The following DGKB variants were observed in gnomAD, a reference collection of about 807,000 sequenced individuals.
DGKB encodes diacylglycerol kinase beta.
A neutral mutation model predicts 114.3 loss-of-function variants in DGKB; 67 were observed. The ratio of observed to expected loss-of-function variants is 0.59; its 90% CI spans 0.48 to 0.72. DGKB has a LOEUF of 0.72. Ranked by LOEUF, DGKB falls within the 30% of genes least tolerant of loss-of-function variation. DGKB has a pLI of 0.00. For missense variants in DGKB, 907 were observed against 975.2 expected (o/e 0.93, Z 0.93); for synonymous variants, 398 against 323.1 (o/e 1.23, Z -2.49).
intron 23 of DGKB, among the ~76,000 whole-genome samples, chr7:14,283,905 A>G (rs1314191157): frequency 1.3e-5 from 2 of 152,166 alleles, no homozygotes; most frequent in Admixed American, 6.5e-5. Flanking sequence ...TAAAACCATA[A>G]AAACCATAGA....
intron 10 of DGKB, among the ~76,000 whole-genome samples, chr7:14,684,693 C>A (rs1466462615): frequency 2.6e-5 from 4 of 152,102 alleles, no homozygotes; most frequent in African/African-American, 9.7e-5. Flanking sequence ...CTCTGCATTC[C>A]AATGTCTATT....
At chr7:14,891,982 G>T (rs1018903652) in intron 1 of DGKB, among the ~76,000 whole-genome samples, 3 of 151,360 alleles carry the variant, frequency 2.0e-5, no homozygotes, top group Non-Finnish European at 3.0e-5. Context: ...TTGAGAAAGG[G>T]TAAGGATTTT....
intron 1 of DGKB, among the ~76,000 whole-genome samples, chr7:14,900,150 C>T (rs1782783313): frequency 6.6e-6 from 1 of 152,062 alleles, no homozygotes; most frequent in South Asian, 2.1e-4. Flanking sequence ...GAAAATAATC[C>T]AGGGCTATCA....
At chr7:14,886,182 C>T (rs1388682069) in intron 1 of DGKB, among the ~76,000 whole-genome samples, 1 of 151,650 alleles carries the variant, frequency 6.6e-6, no homozygotes, top group East Asian at 1.9e-4. Context: ...TGAGAGGCAA[C>T]AGAGACAGAA....
chr7:14,737,098 A>T (rs1048999038), intron 4 of DGKB, among the ~76,000 whole-genome samples: 1 of 152,128 alleles, frequency 6.6e-6, no homozygotes, highest in Non-Finnish European at 1.5e-5. Context: ...ATGGTGCATG[A>T]GTATTTTCTG....
chr7:14,604,195 T>A (rs1804058071), intron 17 of DGKB, among the ~76,000 whole-genome samples: 2 of 151,984 alleles, frequency 1.3e-5, no homozygotes, highest in Admixed American at 1.3e-4. Flanking sequence ...ATAATCAGGA[T>A]CAGGGAGAGA....
At chr7:14,597,861 A>G (rs894120964) in intron 17 of DGKB, among the ~76,000 whole-genome samples, 3 of 152,142 alleles carry the variant, frequency 2.0e-5, no homozygotes, top group Admixed American at 1.3e-4. Context: ...TACAAGCAAT[A>G]TAATTATGGC....
At chr7:14,346,940 T>C (rs1474753190) in intron 21 of DGKB, among the ~76,000 whole-genome samples, 2 of 152,076 alleles carry the variant, frequency 1.3e-5, no homozygotes, top group Non-Finnish European at 2.9e-5. Context: ...AACTTTCTAA[T>C]AACATTTTTG....
Position 14,215,635 on chromosome 7 carries a change from A to G in DGKB, c.2123-37484T>C, listed in dbSNP as rs1788826943. Among the ~76,000 whole-genome samples the G allele has an allele frequency of 4.6e-5, 7 of 152,142 alleles. No homozygotes were observed. In the South Asian group the frequency reaches 1.2e-3, roughly 27 times the overall value. ...TACTGGTATTACCTTCATTTTGCCG[A>G]TGAGGAAACCGAGACACAGAGTTAA... On this transcript the variant is annotated intron_variant, in intron 23 of 25. Coordinates refer to ENST00000402815, the MANE Select transcript of DGKB (RefSeq NM_001350709.2).
intron 21 of DGKB, among the ~76,000 whole-genome samples, chr7:14,474,893 T>C (rs1563268754): frequency 6.6e-6 from 1 of 152,014 alleles, no homozygotes; most frequent in African/African-American, 2.4e-5. Context: ...TGGAAGAATA[T>C]CTTAAAGTTT....
chr7:14,725,799 C>T (rs1270184435), intron 5 of DGKB, among the ~76,000 whole-genome samples: 5 of 152,134 alleles, frequency 3.3e-5, no homozygotes, highest in Admixed American at 1.3e-4. Context: ...CTCTGTACCT[C>T]AGCCTCCCAA....
At chr7:14,845,029 C>T (rs1350752682) in intron 1 of DGKB, among the ~76,000 whole-genome samples, 1 of 142,962 alleles carries the variant, frequency 7.0e-6, no homozygotes, top group Non-Finnish European at 1.5e-5. Context: ...ATTGCATGGG[C>T]CCAGGAGGTA....
chr7:14,811,127 G>T (rs1287056888), intron 2 of DGKB, among the ~76,000 whole-genome samples: 1 of 152,118 alleles, frequency 6.6e-6, no homozygotes, highest in African/African-American at 2.4e-5. Flanking sequence ...CTAAAAAGTG[G>T]CATTCTGGAA....
At position 14,769,228 on chromosome 7, in the gene DGKB, G is replaced by GAGAAAGAAAGAAAGAAAGAAAGAA. The variant is rs371117893; in HGVS notation, c.71-11521_71-11498dup. 4.7e-4 allele frequency among the ~76,000 whole-genome samples: 56 copies of GAGAAAGAAAGAAAGAAAGAAAGAA among 119,684 alleles called. 2 individuals carry two copies. The highest frequency in any genetic ancestry group is 5.9e-4 in the South Asian group (2 of 3,398). The allele number at this position is 119,684 out of a possible 152,430, so 78.5% of individuals were successfully genotyped here. On this transcript the variant is annotated intron_variant, in intron 2 of 25. Transcript: ENST00000402815. The stretch of plus-strand genomic sequence containing the variant: ...GAAAGGAAAGAAAGAGAAAGAGAGA[G>GAGAAAGAAAGAAAGAAAGAAAGAA]AGAAAGAAAGAAAGAAAGAAAGAAA...
intron 13 of DGKB, among the ~76,000 whole-genome samples, chr7:14,641,808 C>T (rs967285901): frequency 4.6e-5 from 7 of 151,886 alleles, no homozygotes; most frequent in Non-Finnish European, 1.0e-4. Flanking sequence ...TTTTTTATTA[C>T]TCTTCGTTTT....
intron 23 of DGKB, among the ~76,000 whole-genome samples, chr7:14,316,349 GT>G (rs2128519884): frequency 7.4e-6 from 1 of 135,444 alleles, no homozygotes; most frequent in African/African-American, 2.9e-5. Context: ...CCAGGAGCTG[GT>G]TTTTTGAAAG....
At chr7:14,875,071 C>A (rs890333564) in intron 1 of DGKB, among the ~76,000 whole-genome samples, 2 of 151,886 alleles carry the variant, frequency 1.3e-5, no homozygotes, top group East Asian at 3.9e-4. Context: ...GTTTGGTGTA[C>A]CACTAAATAG....
intron 23 of DGKB, among the ~76,000 whole-genome samples, chr7:14,249,644 C>T (rs1584723389): frequency 6.6e-6 from 1 of 152,056 alleles, no homozygotes; most frequent in East Asian, 1.9e-4. Flanking sequence ...TCATTATAGC[C>T]TCTTATGATC....
intron 20 of DGKB, among the ~76,000 whole-genome samples, chr7:14,490,587 G>A (rs938223392): frequency 6.6e-6 from 1 of 152,064 alleles, no homozygotes; most frequent in African/African-American, 2.4e-5. Context: ...CCTGAAAGTT[G>A]AAAAGGGGGA....
Sources: gnomAD v4.1 joint callset for allele counts (sites outside exome capture counted in the v4.1 genomes callset) on GRCh38, gnomAD v4.1.1 for gene constraint, MANE v1.5 for transcripts, NCBI Gene and HGNC (gene_info 2026-07-23, HGNC 2026-07-21) for gene names.